FHIP2A: variants seen among roughly 807,000 people sequenced by gnomAD.
The protein encoded by FHIP2A is FHF complex subunit HOOK interacting protein 2A.
In FHIP2A, 46 loss-of-function variants were observed where a neutral mutation model predicts 93.5. That is an observed-to-expected ratio of 0.49 (90% CI 0.39 to 0.63). The LOEUF (loss-of-function observed/expected upper bound fraction) is 0.63. FHIP2A is among the 20% of genes least tolerant of loss of function. FHIP2A has a pLI of 0.00. For missense variants in FHIP2A, 769 were observed against 909.7 expected, an observed-to-expected ratio of 0.85 and a Z score of 1.99; for synonymous variants, 332 against 326.5, an observed-to-expected ratio of 1.02 and a Z score of -0.18.
intron 14 of FHIP2A, among the ~76,000 whole-genome samples, chr10:114,855,679 G>A (rs1411090833): frequency 6.6e-6 from 1 of 152,164 alleles, no homozygotes; most frequent in African/African-American, 2.4e-5. Context: ...AAATACAGAT[G>A]CTCAATTTGG....
In FHIP2A at chr10:114,833,166, G is replaced by C. The variant is rs977735343; in HGVS notation, c.125-67G>C. 4.8e-6 allele frequency: 6 copies of C among 1,245,110 alleles called. No homozygotes were observed. In the Admixed American group the frequency reaches 9.2e-5, roughly 19 times the overall value. The allele number at this position is 1,245,110 out of a possible 1,614,324, so 77.1% of individuals were successfully genotyped here. The stretch of plus-strand genomic sequence containing the variant: ...TTGAATAGGAAAAGGGAAATACAGA[G>C]TATTTTAGGTGCAAATATGCAGTTT... On this transcript the variant is annotated intron_variant, in intron 2 of 16. Transcript: ENST00000369248.
At chr10:114,898,465 T>C (rs541827741) in intron 16 of FHIP2A, among the ~76,000 whole-genome samples, 1 of 152,144 alleles carries the variant, frequency 6.6e-6, no homozygotes, top group South Asian at 2.1e-4. Flanking sequence ...AGCTCTGGCC[T>C]GGGACAACTC....
At chr10:114,876,309 C>T (rs1172801931) in intron 16 of FHIP2A, among the ~76,000 whole-genome samples, 1 of 152,212 alleles carries the variant, frequency 6.6e-6, no homozygotes, top group Non-Finnish European at 1.5e-5. Context: ...CGACCTTTGG[C>T]ACTGAGCCTC....
chr10:114,858,605 T>C lies in FHIP2A; in HGVS notation c.1948-2144T>C, dbSNP rs902976881. Among the ~76,000 whole-genome samples, 4 of 151,422 alleles carry C rather than the reference T, an allele frequency of 2.6e-5. No individual in the cohort carries two copies. The East Asian group carries it at 7.7e-4, about 29-fold the overall frequency. On this transcript the variant is annotated intron_variant, in intron 14 of 16. Transcript: ENST00000369248. The stretch of plus-strand genomic sequence containing the variant: ...CTACTTTTTTTTTTTTTTTACTAAA[T>C]GCATTCTTTTAAATTATTTTTTGTA...
In FHIP2A at chr10:114,862,485, T is replaced by G. The variant is rs1477756699; in HGVS notation, c.*945T>G. On this transcript the variant is annotated 3_prime_UTR_variant, in exon 17 of 17. Transcript: ENST00000369248. Reference sequence around the variant, plus strand: ...CCCTTGGCAGCAATCAAAGTGCCAGTGGCTCCTCGATGTTTACATTTTTTT... The same window carrying G: ...CCCTTGGCAGCAATCAAAGTGCCAGGGGCTCCTCGATGTTTACATTTTTTT... The G allele has an allele frequency of 1.0e-6, 1 of 987,446 alleles. No individual in the cohort carries two copies. 61.2% of individuals were successfully genotyped at this position (987,446 alleles called of 1,614,324 possible).
At chr10:114,830,290 T>TTTTTTA (rs397728202) in intron 1 of FHIP2A, among the ~76,000 whole-genome samples, 1 of 130,164 alleles carries the variant, frequency 7.7e-6, no homozygotes. Context: ...TTTTTTTTTT[T>TTTTTTA]GAGATAGAAT....
chr10:114,824,191 G>A (rs2083560144), intron 1 of FHIP2A, among the ~76,000 whole-genome samples: 1 of 152,188 alleles, frequency 6.6e-6, no homozygotes, highest in Admixed American at 6.5e-5. Context: ...GTCCCCTACA[G>A]ATACCAACTA....
intron 16 of FHIP2A, among the ~76,000 whole-genome samples, chr10:114,893,096 G>T (rs1444220600): frequency 6.6e-6 from 1 of 152,058 alleles, no homozygotes; most frequent in Non-Finnish European, 1.5e-5. Context: ...ACCATCTGTT[G>T]ATTCACCAAT....
intron 16 of FHIP2A, among the ~76,000 whole-genome samples, chr10:114,887,564 C>A (rs2143015751): frequency 6.6e-6 from 1 of 152,318 alleles, no homozygotes; most frequent in African/African-American, 2.4e-5. Context: ...GGCAGTGTGG[C>A]TGTGAAGTCT....
chr10:114,876,595 C>T (rs1195518021), intron 16 of FHIP2A, among the ~76,000 whole-genome samples: 1 of 152,208 alleles, frequency 6.6e-6, no homozygotes, highest in Non-Finnish European at 1.5e-5. Context: ...TCAGAACCCT[C>T]TCGGGTTCCT....
exon 17 of FHIP2A, chr10:114,899,631 G>C: frequency 1.5e-6 from 1 of 674,398 alleles, no homozygotes; most frequent in South Asian, 1.7e-5. Flanking sequence ...AACCAATCCT[G>C]GTGGCCCCAG....
intron 9 of FHIP2A, 31 bp downstream of exon 9, chr10:114,846,120 C>G: frequency 6.2e-7 from 1 of 1,611,818 alleles, no homozygotes; most frequent in Non-Finnish European, 8.5e-7. Flanking sequence ...TGAAAAAAAC[C>G]GCATCACTGT....
At chr10:114,853,839 A>G (rs376199319) in intron 13 of FHIP2A, among the ~76,000 whole-genome samples, 18 of 152,216 alleles carry the variant, frequency 1.2e-4, no homozygotes, top group East Asian at 9.7e-4. Flanking sequence ...TCTCTACTAA[A>G]AATACAAAAA....
At chr10:114,854,141 T>G (rs796820304) in intron 13 of FHIP2A, among the ~76,000 whole-genome samples, 6 of 152,084 alleles carry the variant, frequency 3.9e-5, no homozygotes, top group African/African-American at 7.2e-5. Flanking sequence ...ACCAGGGTTT[T>G]TTTTTTTTTT....
At chr10:114,897,245 C>A (rs936946118) in intron 16 of FHIP2A, among the ~76,000 whole-genome samples, 8 of 152,180 alleles carry the variant, frequency 5.3e-5, no homozygotes, top group African/African-American at 1.9e-4. Flanking sequence ...TTAGAAAGTT[C>A]TAAGTTGCTA....
intron 2 of FHIP2A, 146 bp downstream of exon 2, chr10:114,831,076 C>T (rs2083605010): frequency 1.8e-6 from 1 of 563,170 alleles, no homozygotes; most frequent in African/African-American, 1.9e-5. Context: ...AAGATTCAGT[C>T]ACTCATTTAA....
intron 13 of FHIP2A, among the ~76,000 whole-genome samples, chr10:114,852,249 C>T (rs1048501158): frequency 6.6e-6 from 1 of 152,186 alleles, no homozygotes; most frequent in Non-Finnish European, 1.5e-5. Context: ...TTTCTATCTT[C>T]ATTCCTTTGA....
chr10:114,844,399 G>A (rs971480237), intron 7 of FHIP2A, among the ~76,000 whole-genome samples: 2 of 152,114 alleles, frequency 1.3e-5, no homozygotes, highest in East Asian at 1.9e-4. Flanking sequence ...ATTGCAGAAC[G>A]TTTATAAATT....
intron 16 of FHIP2A, among the ~76,000 whole-genome samples, chr10:114,881,313 A>C (rs1013414978): frequency 6.6e-6 from 1 of 152,176 alleles, no homozygotes; most frequent in Non-Finnish European, 1.5e-5. Flanking sequence ...AGCCTTCAAG[A>C]GTAAGGGAGA....
Sources: allele counts gnomAD v4.1 joint callset (sites outside exome capture counted in the v4.1 genomes callset), GRCh38; gene constraint gnomAD v4.1.1; transcripts MANE v1.5; gene names NCBI Gene and HGNC (gene_info 2026-07-23, HGNC 2026-07-21).